Variants in BIN3 observed in about 807,000 individuals in gnomAD.
The protein encoded by BIN3 is bridging integrator 3.
In BIN3, 41 loss-of-function variants were observed where a neutral mutation model predicts 38.2. The observed-to-expected ratio is 1.07, with a 90% CI of 0.84 to 1.39. The LOEUF is 1.39. BIN3 is among the 40% of genes most tolerant of loss of function. BIN3 has a pLI of 0.00. For synonymous variants in BIN3, 145 were observed against 122.6 expected, an observed-to-expected ratio of 1.18 and a Z score of -1.21; for missense variants, 361 against 324.3, an observed-to-expected ratio of 1.11 and a Z score of -0.87.
chr8:22,621,643 T>C, intron 8 of BIN3, 75 bp from the exon 9 acceptor site: 3 of 1,448,340 alleles, frequency 2.1e-6, no homozygotes, highest in South Asian at 2.4e-5. Flanking sequence ...AGGCTCACAC[T>C]TCTCTGCTAC....
At chr8:22,658,529 C>G (rs1442981794) in intron 1 of BIN3, among the ~76,000 whole-genome samples, 2 of 152,204 alleles carry the variant, frequency 1.3e-5, no homozygotes, top group African/African-American at 4.8e-5. Context: ...CTAGGTTTCT[C>G]CATCTTTTGT....
chr8:22,642,253 C>T (rs1474959653), intron 2 of BIN3, among the ~76,000 whole-genome samples: 2 of 146,156 alleles, frequency 1.4e-5, no homozygotes, highest in African/African-American at 5.1e-5. Flanking sequence ...TGGGCAAGAA[C>T]AACAGAGTGC....
Position 22,624,364 on chromosome 8 carries a change from C to G in BIN3, c.339-1G>C, listed in dbSNP as rs745756044. 2 of 1,611,540 alleles carry G rather than the reference C, an allele frequency of 1.2e-6. No homozygotes were observed. Among genetic ancestry groups the G allele is most frequent in the Non-Finnish European group, 1.7e-6 (2 of 1,178,376 alleles). ...GAGGCTCGGGAAGACACTGCCGAAC[C>G]TGTGGGACAAGCTGGCTGGAGATGG... is the stretch of plus-strand genomic sequence containing the variant. On this transcript the variant is annotated splice_acceptor_variant, in intron 6 of 8. Transcript: ENST00000276416. LOFTEE classifies it high-confidence loss of function.
At chr8:22,659,525 C>T (rs566331890) in intron 1 of BIN3, among the ~76,000 whole-genome samples, 7 of 152,212 alleles carry the variant, frequency 4.6e-5, no homozygotes, top group East Asian at 1.9e-4. Flanking sequence ...TTAAGTCACA[C>T]GAGAGCTGGG....
At chr8:22,640,556 T>C (rs1237121379) in intron 2 of BIN3, among the ~76,000 whole-genome samples, 3 of 152,176 alleles carry the variant, frequency 2.0e-5, no homozygotes, top group South Asian at 2.1e-4. Context: ...AAAGTATTTA[T>C]TTCCAGAAAG....
At chr8:22,634,176 C>A (rs549675171) in intron 4 of BIN3, among the ~76,000 whole-genome samples, 2 of 152,166 alleles carry the variant, frequency 1.3e-5, no homozygotes, top group African/African-American at 4.8e-5. Context: ...CAGTGGGGAC[C>A]GATCAAGAAA....
chr8:22,665,131 C>T (rs1803374105), intron 1 of BIN3, among the ~76,000 whole-genome samples: 1 of 152,162 alleles, frequency 6.6e-6, no homozygotes, highest in African/African-American at 2.4e-5. Flanking sequence ...AGAAGAAACC[C>T]AGCAAAGCAC....
intron 1 of BIN3, among the ~76,000 whole-genome samples, chr8:22,650,508 C>T (rs1176501762): frequency 6.6e-6 from 1 of 152,150 alleles, no homozygotes; most frequent in African/African-American, 2.4e-5. Flanking sequence ...AACTATTTAC[C>T]TATATTTACT....
At chr8:22,654,026 C>A (rs1270002106) in intron 1 of BIN3, among the ~76,000 whole-genome samples, 1 of 152,146 alleles carries the variant, frequency 6.6e-6, no homozygotes, top group Non-Finnish European at 1.5e-5. Context: ...CTGATCTCAG[C>A]CCTTGGCTTC....
In BIN3 at chr8:22,620,880, TTAGGTCCCAAAGCCACA is replaced by T. The variant is rs1253881929; in HGVS notation, c.*525_*541del. The T allele has an allele frequency of 3.9e-5, 6 of 152,576 alleles. No individual in the cohort carries two copies. The highest frequency in any genetic ancestry group is 1.4e-4 in the African/African-American group (6 of 41,460). 9.5% of individuals were successfully genotyped at this position (152,576 alleles called of 1,614,324 possible). A position where few individuals can be genotyped will look rare whatever the true frequency, so the allele number is the denominator to read the frequency against. On this transcript the variant is annotated 3_prime_UTR_variant, in exon 9 of 9. Coordinates refer to ENST00000276416, the MANE Select transcript of BIN3 (RefSeq NM_018688.6). ...CAGTGACCTCGGGAACCCCAACCAC[TTAGGTCCCAAAGCCACA>T]AGGGTGCCCTTTGTCTTGCTGGGAA...
chr8:22,636,821 G>C (rs372550515), intron 3 of BIN3, 101 bp downstream of exon 3: 3 of 1,338,676 alleles, frequency 2.2e-6, no homozygotes, highest in African/African-American at 2.9e-5. Flanking sequence ...TCAGCTTCCA[G>C]GGTGCTCACG....
intron 2 of BIN3, among the ~76,000 whole-genome samples, chr8:22,642,119 G>A (rs549508426): frequency 6.6e-6 from 1 of 152,324 alleles, no homozygotes; most frequent in African/African-American, 2.4e-5. Flanking sequence ...TGACAGTTGG[G>A]TGCCTTGAGC....
intron 2 of BIN3, 168 bp downstream of exon 2, chr8:22,644,587 C>T: frequency 1.6e-6 from 1 of 632,990 alleles, no homozygotes; most frequent in Non-Finnish European, 2.8e-6. Context: ...GGACAGGAGG[C>T]CCCTCTAAGC....
Position 22,630,510 on chromosome 8 carries a change from C to A in BIN3, c.229G>T (p.Asp77Tyr), listed in dbSNP as rs1446482190. 6.2e-7 allele frequency: 1 copy of A among 1,614,032 alleles called. No homozygotes were observed. Among genetic ancestry groups the A allele is most frequent in the Admixed American group, 1.7e-5 (1 of 60,030 alleles). ...LSNPLCEQDQDLLNMVTALDT... is the reference protein window; with the variant it reads ...LSNPLCEQDQYLLNMVTALDT... ...AGGGCCGTCACCATGTTCAGAAGGTCCTGGTCTTGCTCACAGAGGGGATTG... is the reference window on the plus strand; with the variant it reads ...AGGGCCGTCACCATGTTCAGAAGGTACTGGTCTTGCTCACAGAGGGGATTG... Residue 77 changes from aspartate (D) to tyrosine (Y), a missense_variant, in exon 5 of 9, where the codon GAC becomes TAC. By Grantham distance (160) the Asp-to-Tyr change is radical (BLOSUM62 -3). Transcript: ENST00000276416.
chr8:22,637,218 C>T lies in BIN3; in HGVS notation c.58-256G>A, dbSNP rs749336908. ...GGTGCCAGCGGACTGTGGCTCTGCT[C>T]TTCCCAGCTGGGAGCAAGGCACTCG... On this transcript the variant is annotated intron_variant, in intron 2 of 8. Coordinates refer to ENST00000276416, the MANE Select transcript of BIN3 (RefSeq NM_018688.6). Among the ~76,000 whole-genome samples the T allele has an allele frequency of 3.7e-4, 56 of 152,300 alleles. 1 individual carries two copies. The highest frequency in any genetic ancestry group is 3.4e-3 in the Middle Eastern group (1 of 294).
intron 4 of BIN3, among the ~76,000 whole-genome samples, chr8:22,635,251 C>T (rs538879637): frequency 4.6e-5 from 7 of 152,276 alleles, no homozygotes; most frequent in East Asian, 1.9e-4. Flanking sequence ...TGACCTTGCA[C>T]GCCACGACGT....
chr8:22,633,515 G>A (rs767461303), intron 4 of BIN3, among the ~76,000 whole-genome samples: 1 of 152,236 alleles, frequency 6.6e-6, no homozygotes, highest in East Asian at 1.9e-4. Flanking sequence ...CCTCTGGAAT[G>A]TAAGATTCAA....
intron 2 of BIN3, among the ~76,000 whole-genome samples, chr8:22,641,294 C>T (rs1802551441): frequency 6.6e-6 from 1 of 152,188 alleles, no homozygotes; most frequent in Admixed American, 6.5e-5. Context: ...AGACGACTAC[C>T]CGTGGCCACC....
At chr8:22,636,787 G>T (rs980864104) in intron 3 of BIN3, 135 bp downstream of exon 3, 1 of 1,106,436 alleles carries the variant, frequency 9.0e-7, no homozygotes, top group African/African-American at 1.5e-5. Context: ...AACAGTTCCA[G>T]CAGCCTGGTG....
Sources: allele counts gnomAD v4.1 joint callset (sites outside exome capture counted in the v4.1 genomes callset), GRCh38; gene constraint gnomAD v4.1.1; transcripts MANE v1.5; gene names NCBI Gene and HGNC (gene_info 2026-07-23, HGNC 2026-07-21).